SCHIP1: variants seen among roughly 807,000 people sequenced by gnomAD.
The protein encoded by SCHIP1 is schwannomin interacting protein 1.
Under a neutral mutation model 29.7 loss-of-function variants are expected in SCHIP1, and 8 were observed. That is an observed-to-expected ratio of 0.27 (90% CI 0.16 to 0.49). The LOEUF is 0.49. SCHIP1 is among the 20% of genes least tolerant of loss of function. SCHIP1 has a pLI of 0.99. For missense variants in SCHIP1, 193 were observed against 294.6 expected, an observed-to-expected ratio of 0.66 and a Z score of 2.52; for synonymous variants, 76 against 94.9, an observed-to-expected ratio of 0.80 and a Z score of 1.16.
chr3:159,631,186 A>AAAAAAAACC, the SCHIP1 span, among the ~76,000 whole-genome samples: 2 of 152,090 alleles, frequency 1.3e-5, no homozygotes, highest in Non-Finnish European at 2.9e-5. Flanking sequence ...AACCCAGAAA[A>AAAAAAAACC]TAACAAGTGT....
At chr3:159,496,157 G>A in the SCHIP1 span, among the ~76,000 whole-genome samples, 1 of 152,214 alleles carries the variant, frequency 6.6e-6, no homozygotes, top group Admixed American at 6.5e-5. Context: ...AACCCTAGAT[G>A]AAAACCTAGG....
the SCHIP1 span, among the ~76,000 whole-genome samples, chr3:159,333,938 T>C: frequency 1.3e-5 from 2 of 152,124 alleles, no homozygotes; most frequent in Non-Finnish European, 2.9e-5. Context: ...GTTCTAAGAA[T>C]GAACGATATC....
the SCHIP1 span, among the ~76,000 whole-genome samples, chr3:159,807,655 C>T: frequency 4.8e-3 from 735 of 152,218 alleles, 8 homozygotes; most frequent in African/African-American, 0.017. Context: ...GGAAAATTCT[C>T]TTGGGAAAAA....
At chr3:159,424,844 C>G in the SCHIP1 span, among the ~76,000 whole-genome samples, 1 of 152,138 alleles carries the variant, frequency 6.6e-6, no homozygotes, top group South Asian at 2.1e-4. Context: ...GCGGATCTCT[C>G]GGCAGAAACT....
At chr3:159,580,561 A>C in the SCHIP1 span, among the ~76,000 whole-genome samples, 1 of 152,222 alleles carries the variant, frequency 6.6e-6, no homozygotes, top group Admixed American at 6.5e-5. Context: ...TTATTGGATG[A>C]AATACAGAAT....
chr3:159,799,357 C>T, the SCHIP1 span, among the ~76,000 whole-genome samples: 1 of 152,226 alleles, frequency 6.6e-6, no homozygotes, highest in Non-Finnish European at 1.5e-5. Flanking sequence ...AATTACTTCA[C>T]CTCGCTGAGC....
chr3:159,856,729 A>G (rs1280783853), intron 1 of SCHIP1, among the ~76,000 whole-genome samples: 2 of 152,192 alleles, frequency 1.3e-5, no homozygotes, highest in Non-Finnish European at 2.9e-5. Flanking sequence ...GCATCCAATT[A>G]TGGTGAAAGA....
chr3:159,780,612 A>T, the SCHIP1 span, among the ~76,000 whole-genome samples: 3 of 152,242 alleles, frequency 2.0e-5, no homozygotes, highest in African/African-American at 7.2e-5. Flanking sequence ...AGTGTCATAA[A>T]TGTAACATGC....
At chr3:159,862,473 G>A (rs1388232917) in intron 1 of SCHIP1, among the ~76,000 whole-genome samples, 2 of 152,154 alleles carry the variant, frequency 1.3e-5, no homozygotes, top group African/African-American at 2.4e-5. Flanking sequence ...CAGCTGCTAA[G>A]TAATTTACTT....
chr3:159,374,527 C>A, the SCHIP1 span, among the ~76,000 whole-genome samples: 1 of 151,998 alleles, frequency 6.6e-6, no homozygotes, highest in African/African-American at 2.4e-5. Flanking sequence ...CAGGCAGAAG[C>A]ACAGTAAGGT....
At chr3:159,877,413 T>A (rs1421548594) in intron 2 of SCHIP1, among the ~76,000 whole-genome samples, 1 of 152,216 alleles carries the variant, frequency 6.6e-6, no homozygotes, top group African/African-American at 2.4e-5. Context: ...CAATGCAATC[T>A]TATTGATCCA....
chr3:159,861,299 A>G lies in SCHIP1; in HGVS notation c.31-4864A>G, dbSNP rs1714037521. On this transcript the variant is annotated intron_variant, in intron 1 of 6. Coordinates refer to ENST00000445224, the Ensembl canonical transcript of SCHIP1. The surrounding 1 kb of genome is among the most constrained non-coding windows in gnomAD (Gnocchi z 4.1). ...GGGGCCATGCCATATGCCGAAAAAA[A>G]GGGTGGAAAGGTCCTGGGGACATAT... Among the ~76,000 whole-genome samples, 1 of 152,114 alleles carries G rather than the reference A, an allele frequency of 6.6e-6. No homozygotes were observed. Among genetic ancestry groups the G allele is most frequent in the Non-Finnish European group, 1.5e-5 (1 of 68,020 alleles).
At chr3:159,276,242 G>A in the SCHIP1 span, among the ~76,000 whole-genome samples, 1 of 152,170 alleles carries the variant, frequency 6.6e-6, no homozygotes, top group Admixed American at 6.5e-5. Flanking sequence ...AGTCCCAACA[G>A]GAGAAGTTCC....
the SCHIP1 span, among the ~76,000 whole-genome samples, chr3:159,774,018 A>T: frequency 5.9e-5 from 9 of 152,158 alleles, no homozygotes; most frequent in Non-Finnish European, 1.2e-4. Flanking sequence ...ACTTACTTGT[A>T]CTTAGAATTT....
the SCHIP1 span, among the ~76,000 whole-genome samples, chr3:159,421,115 C>T: frequency 6.6e-6 from 1 of 152,198 alleles, no homozygotes; most frequent in Non-Finnish European, 1.5e-5. Context: ...CTCATTCCCC[C>T]TATGATCCTG....
At chr3:159,855,815 A>G (rs1376959756) in intron 1 of SCHIP1, among the ~76,000 whole-genome samples, 2 of 152,206 alleles carry the variant, frequency 1.3e-5, no homozygotes, top group African/African-American at 4.8e-5. Flanking sequence ...ATTATTTTAC[A>G]GGGTTGTTTT....
At chr3:159,582,392 C>A in the SCHIP1 span, among the ~76,000 whole-genome samples, 4 of 151,914 alleles carry the variant, frequency 2.6e-5, no homozygotes, top group Non-Finnish European at 4.4e-5. Flanking sequence ...GTCTTGAATT[C>A]CTGGACTCAA....
At chr3:159,626,251 TATAGATAGATAGATAGATAGATAG>T in the SCHIP1 span, among the ~76,000 whole-genome samples, 2 of 93,734 alleles carry the variant, frequency 2.1e-5, no homozygotes, top group Non-Finnish European at 3.9e-5. Context: ...TATCTATCTA[TATAGATAGATAGATAGATAGATAG>T]ATAGATAGAT....
the SCHIP1 span, among the ~76,000 whole-genome samples, chr3:159,415,107 T>C: frequency 6.7e-3 from 1,022 of 152,254 alleles, 5 homozygotes; most frequent in Middle Eastern, 0.014. Flanking sequence ...GCCAAATGAA[T>C]GAGGAAACAG....
Sources: allele counts gnomAD v4.1 joint callset (sites outside exome capture counted in the v4.1 genomes callset), GRCh38; gene constraint gnomAD v4.1.1; non-coding constraint Gnocchi (gnomAD v3.1); transcripts MANE v1.5; gene names NCBI Gene and HGNC (gene_info 2026-07-23, HGNC 2026-07-21).